The following ADAMTS2 variants were observed in gnomAD, a reference collection of about 807,000 sequenced individuals.
The protein encoded by ADAMTS2 is A disintegrin and metalloproteinase with thrombospondin motifs 2.
Under a neutral mutation model 123.0 loss-of-function variants are expected in ADAMTS2, and 50 were observed. The observed-to-expected ratio is 0.41, with a 90% CI of 0.32 to 0.51. The LOEUF is 0.51. Ranked by LOEUF, ADAMTS2 falls within the 20% of genes least tolerant of loss-of-function variation. ADAMTS2 has a pLI of 0.35. For missense variants in ADAMTS2, 1,494 were observed against 1,705.2 expected (o/e 0.88, Z 2.18); for synonymous variants, 678 against 695.4 (o/e 0.98, Z 0.39).
chr5:179,158,823 G>A lies in ADAMTS2; in HGVS notation c.1032C>T (p.Arg344=), dbSNP rs1478402395. The change falls in exon 6 of 22, where the codon CGC becomes CGT. Residue 344 remains arginine, a synonymous_variant. Coordinates refer to ENST00000251582, the MANE Select transcript of ADAMTS2 (RefSeq NM_014244.5). This position sits in a 1 kb window ranked among gnomAD's most constrained non-coding sequence, Gnocchi z 5.0. ...NPSQSLENVC[R]WAYLQQKPDT... ...CTGGCTTCTGCTGGAGGTAGGCCCA[G>A]CGGCAGACATTCTCCAGGCTCTGAG... The A allele has an allele frequency of 6.2e-7, 1 of 1,614,216 alleles. No individual in the cohort carries two copies. Among genetic ancestry groups the A allele is most frequent in the South Asian group, 1.1e-5 (1 of 91,092 alleles).
chr5:179,282,093 TGTC>T (rs1253581574), intron 2 of ADAMTS2, among the ~76,000 whole-genome samples: 1 of 152,266 alleles, frequency 6.6e-6, no homozygotes, highest in Non-Finnish European at 1.5e-5. Flanking sequence ...TTCTGTGGGC[TGTC>T]TTTTCAACTT....
rs916983285 is a variant in ADAMTS2, at chr5:179,181,647, T to A, written c.892-492A>T. On this transcript the variant is annotated intron_variant, in intron 4 of 21. Transcript: ENST00000251582. The surrounding 1 kb of genome is among the most constrained non-coding windows in gnomAD (Gnocchi z 4.1). ...GCGGTTCTAGGCCCACCACCAGGTA[T>A]AATGTTTTAACGTGTTAATAAAAAG... is the stretch of plus-strand genomic sequence containing the variant. 1.3e-5 allele frequency among the ~76,000 whole-genome samples: 2 copies of A among 152,286 alleles called. No homozygotes were observed. The highest frequency in any genetic ancestry group is 2.9e-5 in the Non-Finnish European group (2 of 68,016).
At chr5:179,338,356 T>C (rs1263937096) in intron 2 of ADAMTS2, among the ~76,000 whole-genome samples, 1 of 152,206 alleles carries the variant, frequency 6.6e-6, no homozygotes, top group Non-Finnish European at 1.5e-5. Flanking sequence ...CCGCAGGGAC[T>C]GGGTTCAAAG....
At chr5:179,319,753 C>T (rs982867972) in intron 2 of ADAMTS2, among the ~76,000 whole-genome samples, 2 of 151,026 alleles carry the variant, frequency 1.3e-5, no homozygotes, top group African/African-American at 4.8e-5. Flanking sequence ...CTGTGACCCT[C>T]TTTTCACCCA....
At chr5:179,192,859 A>C (rs1179148220) in intron 4 of ADAMTS2, among the ~76,000 whole-genome samples, 1 of 152,138 alleles carries the variant, frequency 6.6e-6, no homozygotes, top group South Asian at 2.1e-4. Flanking sequence ...GTCCGTCTCC[A>C]CTAGGCAGGG....
intron 10 of ADAMTS2, among the ~76,000 whole-genome samples, chr5:179,142,206 C>T (rs1424654852): frequency 6.6e-6 from 1 of 152,140 alleles, no homozygotes; most frequent in Non-Finnish European, 1.5e-5. Flanking sequence ...TAGCAGTGAG[C>T]AATTAAGAGG....
In ADAMTS2 at chr5:179,185,710, A is replaced by G. The variant is rs547654391; in HGVS notation, c.892-4555T>C. 6.6e-6 allele frequency among the ~76,000 whole-genome samples: 1 copy of G among 152,020 alleles called. No homozygotes were observed. Among genetic ancestry groups the G allele is most frequent in the African/African-American group, 2.4e-5 (1 of 41,470 alleles). ...CTTGGAGGTGGGGTCGAGGCAGCTGAGCCCTGGGGTGTCAGGCTGCTAGGC... is the reference window on the plus strand; with the variant it reads ...CTTGGAGGTGGGGTCGAGGCAGCTGGGCCCTGGGGTGTCAGGCTGCTAGGC... On this transcript the variant is annotated intron_variant, in intron 4 of 21. Transcript: ENST00000251582. This position sits in a 1 kb window ranked among gnomAD's most constrained non-coding sequence, Gnocchi z 5.9.
intron 2 of ADAMTS2, among the ~76,000 whole-genome samples, chr5:179,301,546 G>A (rs1561710609): frequency 2.0e-5 from 3 of 152,214 alleles, no homozygotes; most frequent in African/African-American, 4.8e-5. Context: ...CCCCAGCCCC[G>A]CACTGGGACA....
chr5:179,273,137 C>A, intron 2 of ADAMTS2, 73 bp from the exon 3 acceptor site: 1 of 1,606,826 alleles, frequency 6.2e-7, no homozygotes, highest in Non-Finnish European at 8.5e-7. Context: ...CGAGGAGACC[C>A]CCTCAGGGAG....
intron 3 of ADAMTS2, among the ~76,000 whole-genome samples, chr5:179,258,687 G>T (rs915817473): frequency 6.6e-6 from 1 of 152,190 alleles, no homozygotes; most frequent in Non-Finnish European, 1.5e-5. Context: ...CCAGACACAG[G>T]GACCTTCCCA....
intron 3 of ADAMTS2, among the ~76,000 whole-genome samples, chr5:179,224,998 T>G (rs946181401): frequency 4.6e-5 from 7 of 152,178 alleles, no homozygotes. Flanking sequence ...TGGCTGAAGC[T>G]TCCCGGGCCG....
chr5:179,118,450 G>A lies in ADAMTS2; in HGVS notation c.3178+3211C>T, dbSNP rs1030610024. Among the ~76,000 whole-genome samples, 5 of 152,158 alleles carry A rather than the reference G, an allele frequency of 3.3e-5. No individual in the cohort carries two copies. The highest frequency in any genetic ancestry group is 3.3e-4 in the Admixed American group (5 of 15,278). On this transcript the variant is annotated intron_variant, in intron 21 of 21. Coordinates refer to ENST00000251582, the MANE Select transcript of ADAMTS2 (RefSeq NM_014244.5). The surrounding 1 kb of genome is among the most constrained non-coding windows in gnomAD (Gnocchi z 4.5). ...TGAGACCTATTGTCTTCCAGTGAAT[G>A]ACAATCAACCATTGAGAGTAAACAC...
At chr5:179,154,228 G>A in intron 7 of ADAMTS2, 36 bp from the exon 8 acceptor site, 2 of 1,538,216 alleles carry the variant, frequency 1.3e-6, no homozygotes, top group Non-Finnish European at 1.7e-6. Context: ...AATCCCACTG[G>A]CACACGGGTC....
chr5:179,259,672 C>T (rs1302183136), intron 3 of ADAMTS2, among the ~76,000 whole-genome samples: 1 of 152,248 alleles, frequency 6.6e-6, no homozygotes, highest in African/African-American at 2.4e-5. Context: ...GTCTGTCGTT[C>T]CAGCATGGAC....
At chr5:179,131,432 G>A (rs1762960023) in intron 15 of ADAMTS2, among the ~76,000 whole-genome samples, 1 of 152,212 alleles carries the variant, frequency 6.6e-6, no homozygotes, top group Non-Finnish European at 1.5e-5. Context: ...GGCATGGTAT[G>A]TTTGTCAGGC....
rs1372348031 is a variant in ADAMTS2, at chr5:179,116,123, C to T, written c.3179-1799G>A. On this transcript the variant is annotated intron_variant, in intron 21 of 21. Coordinates refer to ENST00000251582, the MANE Select transcript of ADAMTS2 (RefSeq NM_014244.5). Reference sequence around the variant, plus strand: ...TCTCAGATATGCCCTTGTTCCTCCCCGTCTCCCACCTCCACCCTGGCTGAG... The same window carrying T: ...TCTCAGATATGCCCTTGTTCCTCCCTGTCTCCCACCTCCACCCTGGCTGAG... 1.1e-4 allele frequency among the ~76,000 whole-genome samples: 17 copies of T among 152,266 alleles called. No homozygotes were observed. The South Asian group carries it at 1.7e-3, about 15-fold the overall frequency.
rs150758698 is a variant in ADAMTS2 at position 179,326,264 on chromosome 5, C to T, written c.534+17503G>A. ...CAGCCGGGCAGCTGCCCCAGGAATG[C>T]TGTATTGGCGGGAAGAGCTAGAGGA... On this transcript the variant is annotated intron_variant, in intron 2 of 21. Coordinates refer to ENST00000251582, the MANE Select transcript of ADAMTS2 (RefSeq NM_014244.5). Among the ~76,000 whole-genome samples the T allele has an allele frequency of 4.0e-3, 609 of 150,856 alleles. 2 individuals carry two copies. The highest frequency in any genetic ancestry group is 0.014 in the African/African-American group (573 of 41,082).
At chr5:179,330,347 T>C (rs1757450550) in intron 2 of ADAMTS2, among the ~76,000 whole-genome samples, 1 of 151,552 alleles carries the variant, frequency 6.6e-6, no homozygotes, top group Non-Finnish European at 1.5e-5. Flanking sequence ...GGCCTACATC[T>C]ACCCACCCCA....
Position 179,226,235 on chromosome 5 carries a change from C to T in ADAMTS2, c.689-18520G>A, listed in dbSNP as rs549460498. On this transcript the variant is annotated intron_variant, in intron 3 of 21. Coordinates refer to ENST00000251582, the MANE Select transcript of ADAMTS2 (RefSeq NM_014244.5). ...CTTTCCCTTCCTTCTTTCCTTCCTT[C>T]CTTCCTTTCTTTCTTTCTTCTCTTT... is the stretch of plus-strand genomic sequence containing the variant. Among the ~76,000 whole-genome samples the T allele has an allele frequency of 4.9e-5, 7 of 143,340 alleles. No homozygotes were observed. In the South Asian group the frequency reaches 9.1e-4, roughly 19 times the overall value. 94.0% of individuals were successfully genotyped at this position (143,340 alleles called of 152,430 possible).
Sources: allele counts gnomAD v4.1 joint callset (sites outside exome capture counted in the v4.1 genomes callset), GRCh38; gene constraint gnomAD v4.1.1; non-coding constraint Gnocchi (gnomAD v3.1); transcripts MANE v1.5; gene names NCBI Gene and HGNC (gene_info 2026-07-23, HGNC 2026-07-21).